Variants in TBC1D14 observed in about 807,000 individuals in gnomAD.
TBC1D14 encodes the protein TBC1 domain family, member 14.
TBC1D14 carries 26 observed loss-of-function variants against 79.0 expected under a neutral mutation model. The observed-to-expected ratio is 0.33, with a 90% CI of 0.24 to 0.46. The LOEUF (loss-of-function observed/expected upper bound fraction) is 0.46, where lower values mean the gene tolerates loss of function less well. Ranked by LOEUF, TBC1D14 falls within the 20% of genes least tolerant of loss-of-function variation. The probability of loss-of-function intolerance (pLI) is 1.00; values close to 1 mark genes in which losing one functional copy is unlikely to be tolerated. For synonymous variants in TBC1D14, 394 were observed against 349.9 expected, an observed-to-expected ratio of 1.13 and a Z score of -1.40; for missense variants, 769 against 887.6, an observed-to-expected ratio of 0.87 and a Z score of 1.70.
intron 13 of TBC1D14, among the ~76,000 whole-genome samples, chr4:7,029,782 G>A (rs754546289): frequency 2.6e-5 from 4 of 152,132 alleles, no homozygotes; most frequent in Non-Finnish European, 4.4e-5. Flanking sequence ...CCGAGATGGC[G>A]CCACTCCACT....
chr4:7,010,009 C>A, intron 10 of TBC1D14, 61 bp downstream of exon 10: 1 of 1,579,268 alleles, frequency 6.3e-7, no homozygotes, highest in South Asian at 1.1e-5. Context: ...CAGATATTGT[C>A]CAGCACGTGT....
chr4:6,966,910 T>A (rs902293954), intron 2 of TBC1D14, among the ~76,000 whole-genome samples: 4 of 152,172 alleles, frequency 2.6e-5, no homozygotes, highest in Non-Finnish European at 5.9e-5. Flanking sequence ...CCCAGGTTCA[T>A]GTCATTCTCC....
chr4:7,012,067 G>T (rs963236501), intron 11 of TBC1D14, among the ~76,000 whole-genome samples: 1 of 151,882 alleles, frequency 6.6e-6, no homozygotes, highest in African/African-American at 2.4e-5. Context: ...TTGGGAGGCC[G>T]AGGAGGGCGG....
intron 13 of TBC1D14, among the ~76,000 whole-genome samples, chr4:7,028,843 C>CT (rs532832000): frequency 0.013 from 1,931 of 145,980 alleles, 17 homozygotes; most frequent in Middle Eastern, 0.048. Context: ...CTTTTTCCTT[C>CT]TTTTTTTTTT....
chr4:7,001,321 G>A, intron 7 of TBC1D14, 70 bp downstream of exon 7: 1 of 1,336,978 alleles, frequency 7.5e-7, no homozygotes, highest in Non-Finnish European at 1.1e-6. Context: ...CTTTTGCCCT[G>A]TTGGAAAGAA....
At chr4:6,989,136 C>T (rs1045863201) in intron 3 of TBC1D14, among the ~76,000 whole-genome samples, 1 of 152,068 alleles carries the variant, frequency 6.6e-6, no homozygotes, top group African/African-American at 2.4e-5. Flanking sequence ...GCTTTTTAAA[C>T]CAACAAACGT....
intron 13 of TBC1D14, among the ~76,000 whole-genome samples, chr4:7,026,097 C>T (rs1722342999): frequency 6.6e-6 from 1 of 151,972 alleles, no homozygotes; most frequent in South Asian, 2.1e-4. Flanking sequence ...GCCCCCGCCT[C>T]CCAGGCTCAG....
chr4:6,964,778 T>G (rs1715553290), intron 2 of TBC1D14, among the ~76,000 whole-genome samples: 1 of 152,196 alleles, frequency 6.6e-6, no homozygotes, highest in Admixed American at 6.6e-5. Flanking sequence ...AAGGAAACAG[T>G]GAAACTATTT....
At chr4:7,026,904 C>T (rs996716412) in intron 13 of TBC1D14, among the ~76,000 whole-genome samples, 1 of 151,566 alleles carries the variant, frequency 6.6e-6, no homozygotes, top group Non-Finnish European at 1.5e-5. Context: ...CTTAAAAAAA[C>T]AAACAAACAA....
At chr4:6,999,026 G>T in intron 5 of TBC1D14, 59 bp from the exon 6 acceptor site, 1 of 1,550,782 alleles carries the variant, frequency 6.4e-7, no homozygotes, top group Non-Finnish European at 8.9e-7. Context: ...AAATCACCTT[G>T]CCTGGAAATG....
At chr4:6,979,558 T>C (rs1489744521) in intron 3 of TBC1D14, among the ~76,000 whole-genome samples, 1 of 152,064 alleles carries the variant, frequency 6.6e-6, no homozygotes, top group Non-Finnish European at 1.5e-5. Flanking sequence ...GAGTTTGAGG[T>C]TACAGTGAAC....
intron 2 of TBC1D14, among the ~76,000 whole-genome samples, chr4:6,955,386 G>A (rs1032154535): frequency 3.3e-5 from 5 of 152,204 alleles, no homozygotes; most frequent in African/African-American, 9.6e-5. Flanking sequence ...CTGTCCGTAC[G>A]GTGGCGGCTG....
At chr4:6,983,243 A>G (rs1717537624) in intron 3 of TBC1D14, among the ~76,000 whole-genome samples, 1 of 152,158 alleles carries the variant, frequency 6.6e-6, no homozygotes, top group Non-Finnish European at 1.5e-5. Flanking sequence ...AAGTGCTAGG[A>G]TTACAGGCGT....
chr4:6,984,347 C>T (rs927962203), intron 3 of TBC1D14, among the ~76,000 whole-genome samples: 3 of 152,130 alleles, frequency 2.0e-5, no homozygotes, highest in African/African-American at 7.2e-5. Context: ...CCCATGGGAG[C>T]TTCGGCACGG....
chr4:6,967,284 T>G lies in TBC1D14; in HGVS notation c.723-20T>G, dbSNP rs754636177. On this transcript the variant is annotated intron_variant, in intron 2 of 13. Transcript: ENST00000409757. ...TGAATTACCCAGAAATGCCCTAACC[T>G]TGTTATTTTCTTCCTATAGGAACTT... 2.5e-6 allele frequency: 4 copies of G among 1,612,248 alleles called. No homozygotes were observed. The African/African-American group carries it at 5.4e-5, about 22-fold the overall frequency.
intron 2 of TBC1D14, among the ~76,000 whole-genome samples, chr4:6,952,291 T>G (rs981966477): frequency 1.3e-5 from 2 of 152,222 alleles, no homozygotes; most frequent in African/African-American, 4.8e-5. Flanking sequence ...CTCAAGAAAT[T>G]TGTGTTTCTA....
intron 3 of TBC1D14, chr4:6,987,363 CG>C (rs1717967339): frequency 7.0e-7 from 1 of 1,420,578 alleles, no homozygotes. Context: ...AGTCGGGGTG[CG>C]GGCCGGTGCC....
At chr4:6,946,018 C>T (rs1472473240) in intron 2 of TBC1D14, among the ~76,000 whole-genome samples, 1 of 152,074 alleles carries the variant, frequency 6.6e-6, no homozygotes, top group African/African-American at 2.4e-5. Context: ...TCAGAGCCAC[C>T]AGTAGAAAGA....
intron 2 of TBC1D14, among the ~76,000 whole-genome samples, chr4:6,960,269 T>G (rs1715068132): frequency 6.6e-6 from 1 of 151,476 alleles, no homozygotes. Context: ...TTTTTGTATT[T>G]TTTGTAGAGA....
Sources: gnomAD v4.1 joint callset for allele counts (sites outside exome capture counted in the v4.1 genomes callset) on GRCh38, gnomAD v4.1.1 for gene constraint, MANE v1.5 for transcripts, NCBI Gene and HGNC (gene_info 2026-07-23, HGNC 2026-07-21) for gene names.